ASIC2: variants seen among roughly 807,000 people sequenced by gnomAD.
The protein encoded by ASIC2 is acid sensing ion channel subunit 2.
A neutral mutation model predicts 57.3 loss-of-function variants in ASIC2; 25 were observed. That is an observed-to-expected ratio of 0.44 (90% CI 0.32 to 0.61). The LOEUF (loss-of-function observed/expected upper bound fraction) is 0.61. Ranked by LOEUF, ASIC2 falls within the 20% of genes least tolerant of loss-of-function variation. The probability of loss-of-function intolerance (pLI) is 0.06; values close to 1 mark genes in which losing one functional copy is unlikely to be tolerated. For missense variants in ASIC2, 641 were observed against 738.1 expected (o/e 0.87, Z 1.52); for synonymous variants, 319 against 307.5 (o/e 1.04, Z -0.39).
intron 1 of ASIC2, among the ~76,000 whole-genome samples, chr17:33,125,566 C>T (rs1404990640): frequency 2.0e-5 from 3 of 152,144 alleles, no homozygotes; most frequent in Non-Finnish European, 4.4e-5. Flanking sequence ...CGTGCTAGGT[C>T]CTGGGAATAC....
At chr17:33,743,618 C>T (rs1202422831) in intron 1 of ASIC2, among the ~76,000 whole-genome samples, 1 of 152,220 alleles carries the variant, frequency 6.6e-6, no homozygotes, top group African/African-American at 2.4e-5. Flanking sequence ...AAATAGGACA[C>T]ATGATTGATC....
At chr17:33,191,542 AAGGAGG>A (rs141174868) in intron 1 of ASIC2, among the ~76,000 whole-genome samples, 1 of 151,808 alleles carries the variant, frequency 6.6e-6, no homozygotes, top group Admixed American at 6.6e-5. Context: ...GAAGGGATAG[AAGGAGG>A]AGGAGGAGGA....
intron 4 of ASIC2, among the ~76,000 whole-genome samples, 161 bp from the exon 5 acceptor site, chr17:33,026,143 C>T (rs2091858539): frequency 6.6e-6 from 1 of 152,162 alleles, no homozygotes; most frequent in African/African-American, 2.4e-5. Context: ...CACAGTGCAC[C>T]CCAGAGCTGG....
chr17:33,516,407 A>AGTGTGTGAGT (rs56689100), intron 1 of ASIC2, among the ~76,000 whole-genome samples: 57,183 of 148,132 alleles, frequency 0.39, 12,134 homozygotes, highest in Non-Finnish European at 0.48. Flanking sequence ...TGTGAGTGTG[A>AGTGTGTGAGT]GTGTGTGTGT....
At chr17:34,093,164 C>T (rs1910392550) in intron 1 of ASIC2, among the ~76,000 whole-genome samples, 1 of 152,146 alleles carries the variant, frequency 6.6e-6, no homozygotes, top group Non-Finnish European at 1.5e-5. Flanking sequence ...CTGCTGGGAA[C>T]ATTCTCGAGC....
chr17:33,787,880 C>A (rs1283738987), intron 1 of ASIC2, among the ~76,000 whole-genome samples: 1 of 152,112 alleles, frequency 6.6e-6, no homozygotes, highest in Non-Finnish European at 1.5e-5. Context: ...TAGGACCAAA[C>A]CCTTGATGCT....
intron 1 of ASIC2, among the ~76,000 whole-genome samples, chr17:33,324,382 G>A (rs915363495): frequency 2.0e-5 from 3 of 152,136 alleles, no homozygotes; most frequent in African/African-American, 4.8e-5. Flanking sequence ...GGTGAATGAG[G>A]ATAACAGTCT....
intron 1 of ASIC2, chr17:34,142,813 AG>A (rs1912307617): frequency 6.6e-6 from 1 of 152,340 alleles, no homozygotes; most frequent in Admixed American, 6.5e-5. Flanking sequence ...AAAATGGAGA[AG>A]TGGAGGTGGA....
chr17:33,016,833 G>T (rs1173801049), intron 8 of ASIC2, among the ~76,000 whole-genome samples: 15 of 152,068 alleles, frequency 9.9e-5, no homozygotes, highest in Admixed American at 9.8e-4. Context: ...CCATTTTCAG[G>T]GGCACACATT....
intron 2 of ASIC2, among the ~76,000 whole-genome samples, chr17:33,096,484 G>T (rs906062574): frequency 1.5e-4 from 23 of 152,306 alleles, no homozygotes; most frequent in Admixed American, 1.3e-3. Flanking sequence ...ATGGATACCT[G>T]CCTCCAAGCG....
chr17:33,622,008 T>G (rs535177921), intron 1 of ASIC2, among the ~76,000 whole-genome samples: 27 of 152,228 alleles, frequency 1.8e-4, no homozygotes, highest in African/African-American at 6.5e-4. Flanking sequence ...CAATAAATGT[T>G]GACTGTTGGC....
At chr17:33,674,720 G>T (rs543315440) in intron 1 of ASIC2, among the ~76,000 whole-genome samples, 2 of 152,154 alleles carry the variant, frequency 1.3e-5, no homozygotes, top group Admixed American at 6.5e-5. Flanking sequence ...CATGCCGCTC[G>T]TTCTGTGATA....
chr17:34,044,504 G>C (rs775247612), intron 1 of ASIC2, among the ~76,000 whole-genome samples: 6 of 152,146 alleles, frequency 3.9e-5, no homozygotes, highest in Non-Finnish European at 7.3e-5. Context: ...GCGGCCAGGC[G>C]TTCCTAAAAT....
chr17:33,671,575 C>A (rs1907640455), intron 1 of ASIC2, among the ~76,000 whole-genome samples: 1 of 152,162 alleles, frequency 6.6e-6, no homozygotes. Context: ...TCTCCTAGGG[C>A]AACTTTTAGT....
At chr17:33,414,119 G>T (rs1459088964) in intron 1 of ASIC2, among the ~76,000 whole-genome samples, 1 of 152,106 alleles carries the variant, frequency 6.6e-6, no homozygotes, top group Non-Finnish European at 1.5e-5. Flanking sequence ...ACCCCTGCGA[G>T]GCTCTCCAAC....
At chr17:33,056,313 G>A (rs1416796227) in intron 3 of ASIC2, among the ~76,000 whole-genome samples, 6 of 152,200 alleles carry the variant, frequency 3.9e-5, no homozygotes, top group African/African-American at 9.6e-5. Flanking sequence ...GAAAATCCAG[G>A]CAGAAATTAA....
At chr17:33,090,346 G>A (rs1415280083) in intron 2 of ASIC2, among the ~76,000 whole-genome samples, 1 of 152,216 alleles carries the variant, frequency 6.6e-6, no homozygotes, top group African/African-American at 2.4e-5. Context: ...CCAGCAGGCT[G>A]GAGTATCCTG....
At chr17:33,893,529 A>C (rs1412890595) in intron 1 of ASIC2, among the ~76,000 whole-genome samples, 2 of 152,248 alleles carry the variant, frequency 1.3e-5, no homozygotes, top group African/African-American at 4.8e-5. Flanking sequence ...TATTTTGAGA[A>C]GGTTTCTGAA....
At position 33,664,138 on chromosome 17, in the gene ASIC2, G is replaced by A. The variant is rs2142047152; in HGVS notation, c.555+491840C>T. ...GCACACTTACGACGTCAGCCTTGGT[G>A]CAGTTGCCCTGATAGACTCCGCCTC... On this transcript the variant is annotated intron_variant, in intron 1 of 9. Transcript: ENST00000359872. Among the ~76,000 whole-genome samples, 3 of 152,322 alleles carry A rather than the reference G, an allele frequency of 2.0e-5. No individual in the cohort carries two copies. In the South Asian group the frequency reaches 6.2e-4, roughly 32 times the overall value.
Sources: allele counts gnomAD v4.1 joint callset (sites outside exome capture counted in the v4.1 genomes callset), GRCh38; gene constraint gnomAD v4.1.1; transcripts MANE v1.5; gene names NCBI Gene and HGNC (gene_info 2026-07-23, HGNC 2026-07-21).